The following DENND1A variants were observed in gnomAD, a reference collection of about 807,000 sequenced individuals.
DENND1A encodes DENN domain containing 1A.
DENND1A carries 51 observed loss-of-function variants against 113.7 expected under a neutral mutation model. The ratio of observed to expected loss-of-function variants is 0.45; its 90% CI spans 0.36 to 0.57. The LOEUF (loss-of-function observed/expected upper bound fraction) is 0.57, where lower values mean the gene tolerates loss of function less well. Ranked by LOEUF, DENND1A falls within the 20% of genes least tolerant of loss-of-function variation. The probability of loss-of-function intolerance (pLI) is 0.00; values close to 1 mark genes in which losing one functional copy is unlikely to be tolerated. For missense variants in DENND1A, 1,258 were observed against 1,395.9 expected (o/e 0.90, Z 1.57); for synonymous variants, 565 against 570.8 (o/e 0.99, Z 0.14).
intron 5 of DENND1A, among the ~76,000 whole-genome samples, chr9:123,754,800 C>T (rs2070381272): frequency 6.6e-6 from 1 of 152,238 alleles, no homozygotes; most frequent in South Asian, 2.1e-4. Context: ...ATTCAACTGG[C>T]TTCTCACAAA....
chr9:123,845,155 GGTTGCA>G (rs1842399330), intron 2 of DENND1A, among the ~76,000 whole-genome samples: 1 of 152,056 alleles, frequency 6.6e-6, no homozygotes, highest in Admixed American at 6.6e-5. Context: ...GGGAGGCAGA[GGTTGCA>G]GTGAGTCAAG....
At position 123,381,483 on chromosome 9, in the gene DENND1A, C is replaced by T. The variant is rs547365850; in HGVS notation, c.3162G>A (p.Pro1054=). 1.1e-4 allele frequency: 181 copies of T among 1,613,610 alleles called. No homozygotes were observed. The Middle Eastern group carries it at 3.0e-3, about 26-fold the overall frequency. The change falls in exon 24 of 24, where the codon CCG becomes CCA. Residue 1054 remains proline (P), a synonymous_variant. Coordinates refer to ENST00000394215, the MANE Select transcript of DENND1A (RefSeq NM_001352964.2). This position sits in a 1 kb window ranked among gnomAD's most constrained non-coding sequence, Gnocchi z 4.7. ...QDVSPSPALA[P]APDSVEQLRK... ...TGAGCTGCTCCACCGAGTCTGGGGC[C>T]GGGGCCAGGGCCGGACTCGGGCTCA...
At chr9:123,806,343 C>T (rs1835564977) in intron 2 of DENND1A, among the ~76,000 whole-genome samples, 1 of 152,074 alleles carries the variant, frequency 6.6e-6, no homozygotes, top group South Asian at 2.1e-4. Context: ...GCAACCTCTG[C>T]CTCCTGGGTT....
At chr9:123,800,916 T>C (rs1834539373) in intron 2 of DENND1A, among the ~76,000 whole-genome samples, 1 of 152,170 alleles carries the variant, frequency 6.6e-6, no homozygotes, top group African/African-American at 2.4e-5. Flanking sequence ...AGAAAACATG[T>C]TCTCATCGTG....
intron 13 of DENND1A, among the ~76,000 whole-genome samples, chr9:123,508,512 T>C (rs186169896): frequency 6.6e-6 from 1 of 152,378 alleles, no homozygotes; most frequent in East Asian, 1.9e-4. Flanking sequence ...TAATCACTTT[T>C]CTTTACAATT....
chr9:123,529,379 G>A (rs1418207831), intron 13 of DENND1A, among the ~76,000 whole-genome samples: 1 of 152,138 alleles, frequency 6.6e-6, no homozygotes, highest in East Asian at 1.9e-4. Flanking sequence ...CTTAACAAAT[G>A]TTGAATAACA....
chr9:123,482,388 G>A (rs533946130), intron 13 of DENND1A, among the ~76,000 whole-genome samples: 10 of 152,264 alleles, frequency 6.6e-5, no homozygotes, highest in East Asian at 1.9e-4. Context: ...GTGAACCACC[G>A]CACCCGGCCC....
intron 18 of DENND1A, among the ~76,000 whole-genome samples, chr9:123,442,353 T>C (rs566912116): frequency 9.2e-5 from 14 of 152,178 alleles, no homozygotes; most frequent in Non-Finnish European, 1.6e-4. Flanking sequence ...AAAGAGGCTG[T>C]CGATGGCCAA....
chr9:123,763,706 C>A (rs181277950), intron 4 of DENND1A, among the ~76,000 whole-genome samples: 30 of 151,782 alleles, frequency 2.0e-4, no homozygotes, highest in African/African-American at 7.0e-4. Context: ...GGAGAAGAGA[C>A]CAAAGAAAGG....
intron 1 of DENND1A, among the ~76,000 whole-genome samples, chr9:123,894,199 AG>A (rs1280530140): frequency 2.6e-5 from 4 of 152,226 alleles, no homozygotes; most frequent in Non-Finnish European, 4.4e-5. Context: ...AAATTCCCTG[AG>A]GAGGAGAGAG....
intron 2 of DENND1A, among the ~76,000 whole-genome samples, chr9:123,850,638 A>G (rs1276800054): frequency 2.6e-5 from 4 of 152,182 alleles, no homozygotes; most frequent in Admixed American, 2.6e-4. Flanking sequence ...CTACTACTTG[A>G]TAGCTCTGTG....
chr9:123,535,035 C>T (rs2055626777), intron 13 of DENND1A, among the ~76,000 whole-genome samples: 1 of 152,114 alleles, frequency 6.6e-6, no homozygotes. Context: ...TTCTCTTTCC[C>T]TCATCGAACA....
intron 5 of DENND1A, among the ~76,000 whole-genome samples, chr9:123,696,615 G>A (rs2065536767): frequency 1.3e-5 from 2 of 152,074 alleles, no homozygotes; most frequent in Admixed American, 1.3e-4. Flanking sequence ...GAGAGACAGG[G>A]CACAAAGGAG....
At chr9:123,526,705 C>T (rs1258363349) in intron 13 of DENND1A, among the ~76,000 whole-genome samples, 1 of 152,222 alleles carries the variant, frequency 6.6e-6, no homozygotes, top group African/African-American at 2.4e-5. Flanking sequence ...TTGGCGTTGG[C>T]ATGTTATCCT....
intron 13 of DENND1A, among the ~76,000 whole-genome samples, chr9:123,525,893 G>A (rs1174205814): frequency 6.6e-6 from 1 of 151,688 alleles, no homozygotes; most frequent in Non-Finnish European, 1.5e-5. Flanking sequence ...TAGTCACTGG[G>A]ACTACAGGTG....
intron 1 of DENND1A, among the ~76,000 whole-genome samples, chr9:123,923,713 TCC>T (rs1260323275): frequency 6.6e-6 from 1 of 152,164 alleles, no homozygotes; most frequent in African/African-American, 2.4e-5. Context: ...CCCTCCATTC[TCC>T]AAATCTCCCC....
In DENND1A at chr9:123,930,115, G is replaced by GCCGGCGCGCGTGC. The variant is rs1223077569; in HGVS notation, c.-211_-210insGCACGCGCGCCGG. 2 of 194,580 alleles carry GCCGGCGCGCGTGC rather than the reference G, an allele frequency of 1.0e-5. No homozygotes were observed. The highest frequency in any genetic ancestry group is 3.3e-4 in the South Asian group (2 of 5,988). The allele number at this position is 194,580 out of a possible 1,614,324, so 12.1% of individuals were successfully genotyped here. On this transcript the variant is annotated 5_prime_UTR_variant, in exon 1 of 24. Transcript: ENST00000394215. The stretch of plus-strand genomic sequence containing the variant: ...CTCCAGCCCGGCGAACGCCATGGTC[G>GCCGGCGCGCGTGC]CCGGCGCGCGTGCCCGGCGCGCGCC...
chr9:123,752,654 C>T (rs773931090), intron 5 of DENND1A, among the ~76,000 whole-genome samples: 27 of 152,192 alleles, frequency 1.8e-4, no homozygotes, highest in Non-Finnish European at 3.1e-4. Flanking sequence ...GGCTAGAAAT[C>T]GCATCTTTCA....
intron 18 of DENND1A, among the ~76,000 whole-genome samples, chr9:123,446,273 A>G (rs1310742348): frequency 1.3e-5 from 2 of 152,222 alleles, no homozygotes; most frequent in Non-Finnish European, 2.9e-5. Context: ...AAATTAAAAT[A>G]TGAATATTGA....
Sources: allele counts gnomAD v4.1 joint callset (sites outside exome capture counted in the v4.1 genomes callset), GRCh38; gene constraint gnomAD v4.1.1; non-coding constraint Gnocchi (gnomAD v3.1); transcripts MANE v1.5; gene names NCBI Gene and HGNC (gene_info 2026-07-23, HGNC 2026-07-21).